PLPPR1: variants seen among roughly 807,000 people sequenced by gnomAD.
The protein encoded by PLPPR1 is phospholipid phosphatase related 1.
A neutral mutation model predicts 33.1 loss-of-function variants in PLPPR1; 10 were observed. That is an observed-to-expected ratio of 0.30 (90% CI 0.19 to 0.51). The LOEUF is 0.51. PLPPR1 is among the 20% of genes least tolerant of loss of function. The pLI is 0.97. For synonymous variants in PLPPR1, 151 were observed against 151.0 expected, an observed-to-expected ratio of 1.00 and a Z score of 0.00; for missense variants, 304 against 408.1, an observed-to-expected ratio of 0.74 and a Z score of 2.20.
At chr9:101,231,768 C>A (rs80308619) in intron 2 of PLPPR1, among the ~76,000 whole-genome samples, 2,669 of 152,128 alleles carry the variant, frequency 0.018, 31 homozygotes, top group Middle Eastern at 0.082. Flanking sequence ...GTGAACTTTG[C>A]TCATTGTTGA....
At chr9:101,095,462 C>T (rs775927070) in intron 1 of PLPPR1, among the ~76,000 whole-genome samples, 3 of 152,110 alleles carry the variant, frequency 2.0e-5, no homozygotes, top group Non-Finnish European at 4.4e-5. Flanking sequence ...GCTGCCAGTC[C>T]AAACCTTACC....
At chr9:101,143,392 A>C (rs976305639) in intron 1 of PLPPR1, among the ~76,000 whole-genome samples, 3 of 152,044 alleles carry the variant, frequency 2.0e-5, no homozygotes, top group South Asian at 2.1e-4. Flanking sequence ...AAGCCCTAAC[A>C]CTTCATCTCT....
chr9:101,205,909 G>T (rs1282634129), intron 2 of PLPPR1, among the ~76,000 whole-genome samples: 1 of 152,118 alleles, frequency 6.6e-6, no homozygotes, highest in East Asian at 1.9e-4. Flanking sequence ...GTTTTAGTCA[G>T]CTTAGTTATC....
intron 1 of PLPPR1, among the ~76,000 whole-genome samples, chr9:101,040,538 T>C (rs1258072599): frequency 2.0e-5 from 3 of 152,186 alleles, no homozygotes; most frequent in African/African-American, 7.2e-5. Flanking sequence ...ATCCCAAACA[T>C]ACTTTCATCT....
At chr9:101,031,585 A>G (rs1299426170) in intron 1 of PLPPR1, among the ~76,000 whole-genome samples, 2 of 152,240 alleles carry the variant, frequency 1.3e-5, no homozygotes, top group Non-Finnish European at 2.9e-5. Flanking sequence ...AAAAAAGATA[A>G]GAAAGTAAAA....
intron 4 of PLPPR1, among the ~76,000 whole-genome samples, chr9:101,297,983 GAGTA>G (rs1487912936): frequency 6.6e-6 from 1 of 151,818 alleles, no homozygotes; most frequent in African/African-American, 2.4e-5. Flanking sequence ...AAATATACTT[GAGTA>G]AATATTTTTG....
At chr9:101,079,772 GT>G (rs1830596012) in intron 1 of PLPPR1, among the ~76,000 whole-genome samples, 1 of 152,054 alleles carries the variant, frequency 6.6e-6, no homozygotes, top group Admixed American at 6.6e-5. Context: ...TAGAGGCTTG[GT>G]TTCACCATGT....
intron 1 of PLPPR1, among the ~76,000 whole-genome samples, chr9:101,068,889 A>G (rs1020867086): frequency 1.3e-5 from 2 of 152,106 alleles, no homozygotes; most frequent in Non-Finnish European, 2.9e-5. Flanking sequence ...GGATAGGAAA[A>G]GGGCTCTGTC....
intron 4 of PLPPR1, among the ~76,000 whole-genome samples, chr9:101,288,183 C>T (rs537425159): frequency 6.6e-6 from 1 of 152,222 alleles, no homozygotes; most frequent in African/African-American, 2.4e-5. Context: ...AGAAGATCAC[C>T]ACCATCCAGG....
At chr9:101,155,251 A>T (rs1831663650) in intron 1 of PLPPR1, among the ~76,000 whole-genome samples, 1 of 152,076 alleles carries the variant, frequency 6.6e-6, no homozygotes, top group South Asian at 2.1e-4. Context: ...TGAACTGGAG[A>T]AAGGAGATTG....
intron 1 of PLPPR1, among the ~76,000 whole-genome samples, chr9:101,098,293 G>A (rs1473808911): frequency 6.6e-6 from 1 of 151,430 alleles, no homozygotes; most frequent in East Asian, 1.9e-4. Context: ...GTCCTGGTGG[G>A]TCATGAGTAT....
At chr9:101,291,616 C>T (rs1225410654) in intron 4 of PLPPR1, among the ~76,000 whole-genome samples, 1 of 152,192 alleles carries the variant, frequency 6.6e-6, no homozygotes, top group Non-Finnish European at 1.5e-5. Flanking sequence ...GATCAGACAG[C>T]AGCATTCGCA....
At chr9:101,196,688 C>A (rs942656852) in intron 2 of PLPPR1, among the ~76,000 whole-genome samples, 4 of 152,024 alleles carry the variant, frequency 2.6e-5, no homozygotes, top group Non-Finnish European at 5.9e-5. Flanking sequence ...GGTGAAACCA[C>A]GTCTCTACTA....
intron 1 of PLPPR1, among the ~76,000 whole-genome samples, chr9:101,147,645 G>T (rs1588047464): frequency 6.6e-6 from 1 of 152,300 alleles, no homozygotes; most frequent in African/African-American, 2.4e-5. Flanking sequence ...AGGAATTGGA[G>T]GTGACTGTGC....
chr9:101,312,812 C>T lies in PLPPR1; in HGVS notation c.651C>T (p.Ser217=), dbSNP rs927741325. The T allele has an allele frequency of 3.7e-6, 6 of 1,614,030 alleles. No individual in the cohort carries two copies. In the East Asian group the frequency reaches 1.3e-4, roughly 36 times the overall value. The stretch of plus-strand genomic sequence containing the variant: ...TCCTATTCCAGATGTATATTACAAG[C>T]ACAATCAAGACGAAGAGCAGTCGAC... ...SALYATMYIT[S]TIKTKSSRLA... Residue 217 remains serine (S), a synonymous_variant, in exon 6 of 8, where the codon AGC becomes AGT. Coordinates refer to ENST00000374874, the MANE Select transcript of PLPPR1 (RefSeq NM_207299.2).
At chr9:101,046,766 C>G (rs958265953) in intron 1 of PLPPR1, among the ~76,000 whole-genome samples, 4 of 152,136 alleles carry the variant, frequency 2.6e-5, no homozygotes, top group African/African-American at 7.2e-5. Context: ...GTTACAAAAC[C>G]CAGTAAAACA....
intron 1 of PLPPR1, among the ~76,000 whole-genome samples, chr9:101,058,315 C>T (rs1253474857): frequency 7.2e-6 from 1 of 138,552 alleles, no homozygotes; most frequent in Admixed American, 8.0e-5. Context: ...TGTGAGCTCA[C>T]ATAAGATACT....
Position 101,224,056 on chromosome 9 carries a change from A to G in PLPPR1, c.63+38499A>G, listed in dbSNP as rs143880561. Among the ~76,000 whole-genome samples the G allele has an allele frequency of 7.8e-3, 1,186 of 152,198 alleles. 15 individuals carry two copies. Among genetic ancestry groups the G allele is most frequent in the African/African-American group, 0.027 (1,134 of 41,532 alleles). On this transcript the variant is annotated intron_variant, in intron 2 of 7. Transcript: ENST00000374874. Reference sequence around the variant, plus strand: ...TGATATCTGGTGCTAAATCTCCCCCATATTATAGAGATGGAATAACAAGCC... The same window carrying G: ...TGATATCTGGTGCTAAATCTCCCCCGTATTATAGAGATGGAATAACAAGCC...
chr9:101,293,419 C>A (rs1009038160), intron 4 of PLPPR1, among the ~76,000 whole-genome samples: 5 of 151,556 alleles, frequency 3.3e-5, no homozygotes, highest in Non-Finnish European at 5.9e-5. Context: ...ACAAGGATAC[C>A]CAGGAATTGA....
Sources: allele counts gnomAD v4.1 joint callset (sites outside exome capture counted in the v4.1 genomes callset), GRCh38; gene constraint gnomAD v4.1.1; transcripts MANE v1.5; gene names NCBI Gene and HGNC (gene_info 2026-07-23, HGNC 2026-07-21).